The following OTUD7A variants were observed in gnomAD, a reference collection of about 807,000 sequenced individuals.
OTUD7A encodes OTU domain-containing protein 7A.
Under a neutral mutation model 65.7 loss-of-function variants are expected in OTUD7A, and 12 were observed. The observed-to-expected ratio is 0.18, with a 90% CI of 0.12 to 0.30. The LOEUF is 0.30. OTUD7A is among the 10% of genes least tolerant of loss of function. The probability of loss-of-function intolerance (pLI) is 1.00; values close to 1 mark genes in which losing one functional copy is unlikely to be tolerated. For missense variants in OTUD7A, 1,148 were observed against 1,304.8 expected (o/e 0.88, Z 1.85); for synonymous variants, 641 against 586.3 (o/e 1.09, Z -1.35).
At chr15:31,746,949 G>GTCA in intron 1 of OTUD7A, among the ~76,000 whole-genome samples, 1 of 152,156 alleles carries the variant, frequency 6.6e-6, no homozygotes. Context: ...CATTTATATT[G>GTCA]GTAGATGCGT....
At chr15:31,785,857 A>T (rs1567021926) in intron 1 of OTUD7A, among the ~76,000 whole-genome samples, 1 of 152,182 alleles carries the variant, frequency 6.6e-6, no homozygotes, top group African/African-American at 2.4e-5. Context: ...TAAATAGTAC[A>T]TGTAAACACA....
chr15:31,754,964 T>C (rs781185225), intron 1 of OTUD7A, among the ~76,000 whole-genome samples: 5 of 151,954 alleles, frequency 3.3e-5, no homozygotes, highest in African/African-American at 1.2e-4. Context: ...ATTAGTCTAG[T>C]TGGCTGGCAC....
intron 1 of OTUD7A, among the ~76,000 whole-genome samples, chr15:31,863,770 C>T (rs949783773): frequency 1.3e-5 from 2 of 152,214 alleles, no homozygotes; most frequent in African/African-American, 2.4e-5. Flanking sequence ...TAGTGTTTAA[C>T]GTTAGGATCC....
chr15:31,621,778 ATTG>A, intron 3 of OTUD7A, among the ~76,000 whole-genome samples: 1 of 149,202 alleles, frequency 6.7e-6, no homozygotes, highest in Admixed American at 6.7e-5. Flanking sequence ...TAAGGTTAAT[ATTG>A]TTATGTGTGA....
intron 5 of OTUD7A, among the ~76,000 whole-genome samples, chr15:31,552,993 T>C (rs1888373269): frequency 6.6e-6 from 1 of 152,176 alleles, no homozygotes; most frequent in African/African-American, 2.4e-5. Context: ...CAGCAGCCGA[T>C]GGTGAGAGCT....
rs1184670899 is a variant in OTUD7A, at chr15:31,681,270, C to A, written c.-99-24193G>T. On this transcript the variant is annotated intron_variant, in intron 1 of 12. Coordinates refer to ENST00000307050, the MANE Select transcript of OTUD7A (RefSeq NM_001382637.1). ...AACTATCCATGTTTCTTTCTTTCTGCCATCCTGTCTATTTCTACCTGTCTC... is the reference window on the plus strand; with the variant it reads ...AACTATCCATGTTTCTTTCTTTCTGACATCCTGTCTATTTCTACCTGTCTC... 2.6e-5 allele frequency among the ~76,000 whole-genome samples: 4 copies of A among 151,766 alleles called. No individual in the cohort carries two copies. The East Asian group carries it at 7.7e-4, about 29-fold the overall frequency.
intron 1 of OTUD7A, among the ~76,000 whole-genome samples, chr15:31,851,779 T>C (rs1482712783): frequency 6.6e-6 from 1 of 152,236 alleles, no homozygotes; most frequent in East Asian, 1.9e-4. Flanking sequence ...ATGTGAACTC[T>C]ACAAACTTGG....
In OTUD7A at chr15:31,522,838, C is replaced by T. The variant is rs565917527; in HGVS notation, c.893+3511G>A. Among the ~76,000 whole-genome samples the T allele has an allele frequency of 7.2e-5, 11 of 152,314 alleles. No homozygotes were observed. The South Asian group carries it at 1.2e-3, about 17-fold the overall frequency. ...TGGTCCCTGCTGACCTCTTCAGATACGTGACATAGTTGCTTTCTGGGAAAG... is the reference window on the plus strand; with the variant it reads ...TGGTCCCTGCTGACCTCTTCAGATATGTGACATAGTTGCTTTCTGGGAAAG... On this transcript the variant is annotated intron_variant, in intron 8 of 12. Transcript: ENST00000307050.
chr15:31,745,546 G>A (rs1894453208), intron 1 of OTUD7A, among the ~76,000 whole-genome samples: 1 of 151,970 alleles, frequency 6.6e-6, no homozygotes, highest in Admixed American at 6.5e-5. Flanking sequence ...ATTCAAGATG[G>A]GTCACAAAAC....
intron 1 of OTUD7A, among the ~76,000 whole-genome samples, chr15:31,789,568 C>T (rs1421380858): frequency 6.6e-6 from 1 of 152,156 alleles, no homozygotes; most frequent in Non-Finnish European, 1.5e-5. Context: ...GCCACTCATA[C>T]AGTCTGGGCA....
At chr15:31,720,559 C>T (rs1353573602) in intron 1 of OTUD7A, among the ~76,000 whole-genome samples, 1 of 151,958 alleles carries the variant, frequency 6.6e-6, no homozygotes, top group Non-Finnish European at 1.5e-5. Flanking sequence ...CGCCACCTCG[C>T]CCGGCTAATT....
In OTUD7A at chr15:31,560,209, C is replaced by T. The variant is rs143812744; in HGVS notation, c.332-1022G>A. 2.5e-3 allele frequency among the ~76,000 whole-genome samples: 386 copies of T among 152,354 alleles called. 3 individuals are homozygous for T. Among genetic ancestry groups the T allele is most frequent in the African/African-American group, 8.8e-3 (366 of 41,586 alleles). On this transcript the variant is annotated intron_variant, in intron 4 of 12. Coordinates refer to ENST00000307050, the MANE Select transcript of OTUD7A (RefSeq NM_001382637.1). ...ATCCACAGCAGCTCAGGTTTTAAGA[C>T]AGGTTGTTTTACTAAAGTTACGCTG...
intron 1 of OTUD7A, among the ~76,000 whole-genome samples, chr15:31,724,906 G>A (rs936939454): frequency 6.6e-6 from 1 of 152,126 alleles, no homozygotes; most frequent in African/African-American, 2.4e-5. Flanking sequence ...TGGGGGGCAC[G>A]AAAGCAAAGA....
At chr15:31,694,137 A>G (rs182881089) in intron 1 of OTUD7A, among the ~76,000 whole-genome samples, 313 of 150,430 alleles carry the variant, frequency 2.1e-3, no homozygotes, top group African/African-American at 3.5e-3. Context: ...TAGTGACCCC[A>G]GAGTGGCGCT....
intron 5 of OTUD7A, among the ~76,000 whole-genome samples, chr15:31,550,117 A>AAG (rs1360936949): frequency 6.6e-6 from 1 of 151,386 alleles, no homozygotes; most frequent in African/African-American, 2.4e-5. Flanking sequence ...AAAAAAAAAA[A>AAG]AAGAATGTGC....
chr15:31,699,862 C>T (rs1024260822), intron 1 of OTUD7A, among the ~76,000 whole-genome samples: 30 of 151,996 alleles, frequency 2.0e-4, no homozygotes, highest in African/African-American at 6.0e-4. Flanking sequence ...TGTCTGACTG[C>T]GCTGTTAGTG....
At chr15:31,754,018 C>T (rs907986296) in intron 1 of OTUD7A, among the ~76,000 whole-genome samples, 5 of 152,032 alleles carry the variant, frequency 3.3e-5, no homozygotes, top group African/African-American at 1.2e-4. Flanking sequence ...TGCATCCATG[C>T]CAACATCTAC....
At chr15:31,699,492 G>A (rs1193543666) in intron 1 of OTUD7A, among the ~76,000 whole-genome samples, 4 of 152,124 alleles carry the variant, frequency 2.6e-5, no homozygotes, top group South Asian at 2.1e-4. Context: ...TGTTTGGGGA[G>A]GGGGCTCTGA....
At chr15:31,503,627 C>T in intron 9 of OTUD7A, 64 bp downstream of exon 9, 1 of 1,606,264 alleles carries the variant, frequency 6.2e-7, no homozygotes. Context: ...GTGCTATCTG[C>T]TTTCTAGCTG....
Sources: gnomAD v4.1 joint callset for allele counts (sites outside exome capture counted in the v4.1 genomes callset) on GRCh38, gnomAD v4.1.1 for gene constraint, MANE v1.5 for transcripts, NCBI Gene and HGNC (gene_info 2026-07-23, HGNC 2026-07-21) for gene names.